Variants in DIAPH2 observed in about 807,000 individuals in gnomAD.
DIAPH2 encodes protein diaphanous homolog 2.
A neutral mutation model predicts 92.7 loss-of-function variants in DIAPH2; 35 were observed. The observed-to-expected ratio is 0.38, with a 90% CI of 0.29 to 0.50. DIAPH2 has a LOEUF of 0.50. DIAPH2 is among the 20% of genes least tolerant of loss of function. The pLI, the probability that DIAPH2 is intolerant of heterozygous loss-of-function variation, is 0.94. For missense variants in DIAPH2, 701 were observed against 819.5 expected (o/e 0.86, Z 1.77); for synonymous variants, 301 against 280.4 (o/e 1.07, Z -0.73).
chrX:97,447,834 G>T (rs903314819), intron 26 of DIAPH2, among the ~76,000 whole-genome samples: 1 of 111,777 alleles, frequency 8.9e-6, no homozygotes, highest in Non-Finnish European at 1.9e-5. Context: ...GCTTTGTTGA[G>T]GCTCCCTCCC....
chrX:97,061,086 A>G (rs1473945181), intron 17 of DIAPH2, among the ~76,000 whole-genome samples: 4 of 112,676 alleles, frequency 3.6e-5, no homozygotes, highest in Admixed American at 1.9e-4. Context: ...AGGTTTCATA[A>G]CAAGTTGACT....
intron 22 of DIAPH2, among the ~76,000 whole-genome samples, chrX:97,156,023 T>C (rs148691769): frequency 3.6e-5 from 4 of 112,368 alleles, no homozygotes; most frequent in Non-Finnish European, 7.5e-5. Context: ...CAAGGCCTGA[T>C]ACCATTGACA....
chrX:96,970,038 T>C (rs2065918030), intron 17 of DIAPH2, among the ~76,000 whole-genome samples: 1 of 112,387 alleles, frequency 8.9e-6, no homozygotes, highest in Admixed American at 9.4e-5. Flanking sequence ...TTATAGATGT[T>C]GATAAACATT....
intron 4 of DIAPH2, among the ~76,000 whole-genome samples, chrX:96,803,246 T>C (rs1427217628): frequency 8.9e-6 from 1 of 111,845 alleles, no homozygotes; most frequent in Non-Finnish European, 1.9e-5. Flanking sequence ...CCAGTAGTTA[T>C]ACTCATCATC....
chrX:97,142,909 C>G (rs1474503288), intron 22 of DIAPH2, among the ~76,000 whole-genome samples: 1 of 111,372 alleles, frequency 9.0e-6, no homozygotes, highest in Non-Finnish European at 1.9e-5. Flanking sequence ...AATAGTGAAT[C>G]TATAAAACCC....
chrX:97,472,692 A>G (rs944190715), intron 26 of DIAPH2, among the ~76,000 whole-genome samples: 1 of 112,248 alleles, frequency 8.9e-6, no homozygotes, highest in African/African-American at 3.2e-5. Flanking sequence ...TAAGTATCTT[A>G]TCCTGTATTA....
intron 17 of DIAPH2, among the ~76,000 whole-genome samples, chrX:96,988,072 T>G (rs746703799): frequency 1.6e-3 from 173 of 109,963 alleles, no homozygotes; most frequent in Non-Finnish European, 2.3e-3. Context: ...ATTCTATACA[T>G]TCTTATATTT....
chrX:97,181,689 C>T (rs915334311), intron 22 of DIAPH2, among the ~76,000 whole-genome samples: 1 of 112,551 alleles, frequency 8.9e-6, no homozygotes, highest in Non-Finnish European at 1.9e-5. Flanking sequence ...GGATTACAGG[C>T]GTGAGCCACC....
At chrX:97,243,883 A>C (rs2068118765) in intron 22 of DIAPH2, among the ~76,000 whole-genome samples, 1 of 111,820 alleles carries the variant, frequency 8.9e-6, no homozygotes, top group Non-Finnish European at 1.9e-5. Flanking sequence ...GTGAACCAAA[A>C]CTTCTTGAAA....
At chrX:96,827,926 G>A (rs1350452948) in intron 4 of DIAPH2, among the ~76,000 whole-genome samples, 3 of 110,996 alleles carry the variant, frequency 2.7e-5, no homozygotes, top group Non-Finnish European at 5.7e-5. Context: ...CCACTACCTC[G>A]CCCGGCTAAT....
At chrX:97,015,780 G>T in intron 17 of DIAPH2, among the ~76,000 whole-genome samples, 1 of 84,152 alleles carries the variant, frequency 1.2e-5, no homozygotes. Context: ...AGAGCGAGAC[G>T]CCATCTGAAA....
At chrX:96,785,458 A>G (rs969875611) in intron 4 of DIAPH2, among the ~76,000 whole-genome samples, 6 of 104,478 alleles carry the variant, frequency 5.7e-5, no homozygotes, top group Non-Finnish European at 1.2e-4. Context: ...AAAGAGACAA[A>G]AGGTGGCCAA....
chrX:96,937,112 G>A (rs1020480961), intron 10 of DIAPH2, 121 bp from the exon 11 acceptor site: 46 of 354,284 alleles, frequency 1.3e-4, no homozygotes, highest in Middle Eastern at 8.5e-4. Context: ...CCAAGTGCCC[G>A]CATAAATATT....
chrX:97,491,769 A>G (rs1271163117), intron 26 of DIAPH2, among the ~76,000 whole-genome samples: 1 of 111,978 alleles, frequency 8.9e-6, no homozygotes, highest in Non-Finnish European at 1.9e-5. Context: ...TTTCTGTTTC[A>G]TAGTCTTTTT....
At chrX:96,810,217 G>C (rs1426374996) in intron 4 of DIAPH2, among the ~76,000 whole-genome samples, 2 of 112,065 alleles carry the variant, frequency 1.8e-5, no homozygotes, top group African/African-American at 3.2e-5. Flanking sequence ...GTTCTAACTG[G>C]TGTGAGATGG....
rs60595365 is a variant in DIAPH2 at position 96,919,864 on chromosome X, A to ATTATTTATTTAT, written c.978+1273_978+1284dup. ...TATGGTGTACTTTTATGTCAAATGTATTATTTATTTATTTATTTATTTATT... is the reference window on the plus strand; with the variant it reads ...TATGGTGTACTTTTATGTCAAATGTATTATTTATTTATTTATTTATTTATTTATTTATTTATT... On this transcript the variant is annotated intron_variant, in intron 9 of 26. Transcript: ENST00000324765. Among the ~76,000 whole-genome samples, 171 of 100,248 alleles carry ATTATTTATTTAT rather than the reference A, an allele frequency of 1.7e-3. 1 individual carries two copies. The highest frequency in any genetic ancestry group is 5.2e-3 in the Middle Eastern group (1 of 192). The allele number at this position is 100,248 out of a possible 115,157, so 87.1% of individuals were successfully genotyped here. A position where few individuals can be genotyped will look rare whatever the true frequency, so the allele number is the denominator to read the frequency against.
chrX:96,950,336 C>G (rs955895298), intron 15 of DIAPH2, among the ~76,000 whole-genome samples: 1 of 111,354 alleles, frequency 9.0e-6, no homozygotes, highest in African/African-American at 3.3e-5. Context: ...TTAGCTACCC[C>G]CATAGGATGG....
intron 4 of DIAPH2, among the ~76,000 whole-genome samples, chrX:96,779,044 G>T (rs190718099): frequency 0.01 from 1,154 of 112,116 alleles, 14 homozygotes; most frequent in African/African-American, 0.035. Context: ...ATTTCACATG[G>T]TTTTAAAATC....
intron 23 of DIAPH2, among the ~76,000 whole-genome samples, chrX:97,279,830 G>C (rs934634690): frequency 1.8e-5 from 2 of 111,262 alleles, no homozygotes; most frequent in Admixed American, 9.7e-5. Flanking sequence ...CAGTTTCCGG[G>C]CAGGCTGCAA....
Sources: allele counts gnomAD v4.1 joint callset (sites outside exome capture counted in the v4.1 genomes callset), GRCh38; gene constraint gnomAD v4.1.1; transcripts MANE v1.5; gene names NCBI Gene and HGNC (gene_info 2026-07-23, HGNC 2026-07-21).